DPP10: variants seen among roughly 807,000 people sequenced by gnomAD.
The protein encoded by DPP10 is dipeptidyl peptidase like 10.
DPP10 carries 33 observed loss-of-function variants against 120.9 expected under a neutral mutation model. The observed-to-expected ratio is 0.27, with a 90% CI of 0.21 to 0.37. DPP10 has a LOEUF of 0.37. DPP10 is among the 10% of genes least tolerant of loss of function. The pLI is 1.00. For missense variants in DPP10, 816 were observed against 942.8 expected (o/e 0.87, Z 1.76); for synonymous variants, 337 against 326.1 (o/e 1.03, Z -0.36).
intron 1 of DPP10, among the ~76,000 whole-genome samples, chr2:115,113,539 C>T (rs1268927339): frequency 3.9e-5 from 6 of 152,138 alleles, no homozygotes; most frequent in African/African-American, 1.4e-4. Context: ...TGAATTCGTA[C>T]TCACTAGCGT....
rs544663803 is a variant in DPP10 at position 115,248,082 on chromosome 2, C to T, written c.61-61157C>T. 6.6e-5 allele frequency among the ~76,000 whole-genome samples: 10 copies of T among 152,292 alleles called. No individual in the cohort carries two copies. The South Asian group carries it at 1.9e-3, about 28-fold the overall frequency. Reference sequence around the variant, plus strand: ...ATCCCAAAGGTGGAAATATGCCTCCCTCAAAGGTACTGATGTCATCTCCAT... The same window carrying T: ...ATCCCAAAGGTGGAAATATGCCTCCTTCAAAGGTACTGATGTCATCTCCAT... On this transcript the variant is annotated intron_variant, in intron 1 of 25. Transcript: ENST00000410059.
chr2:114,790,866 C>T (rs372671654), intron 1 of DPP10, among the ~76,000 whole-genome samples: 2 of 152,064 alleles, frequency 1.3e-5, no homozygotes, highest in South Asian at 2.1e-4. Context: ...GCCATCTGGG[C>T]GAATACGTGC....
intron 1 of DPP10, among the ~76,000 whole-genome samples, chr2:114,981,766 GT>G (rs1170678516): frequency 2.1e-5 from 3 of 145,346 alleles, no homozygotes; most frequent in Non-Finnish European, 4.6e-5. Context: ...GTTTTGTTTT[GT>G]TTTTTGTTTT....
intron 3 of DPP10, among the ~76,000 whole-genome samples, chr2:115,494,765 G>T (rs4848392): frequency 6.6e-6 from 1 of 151,778 alleles, no homozygotes; most frequent in African/African-American, 2.4e-5. Flanking sequence ...TTCAATTGTG[G>T]ATATATCAAA....
intron 1 of DPP10, among the ~76,000 whole-genome samples, chr2:115,187,198 G>A (rs1191995692): frequency 6.7e-6 from 1 of 150,138 alleles, no homozygotes; most frequent in Non-Finnish European, 1.5e-5. Flanking sequence ...CACCACGCCC[G>A]GCTAATTTTT....
chr2:115,568,949 G>T (rs570404354), intron 5 of DPP10, among the ~76,000 whole-genome samples: 2 of 152,138 alleles, frequency 1.3e-5, no homozygotes, highest in Admixed American at 1.3e-4. Context: ...CTGTTTCCTT[G>T]GTGTCAATAT....
chr2:115,614,904 TATTAA>T (rs1168070870), intron 5 of DPP10, among the ~76,000 whole-genome samples: 1 of 152,166 alleles, frequency 6.6e-6, no homozygotes, highest in Non-Finnish European at 1.5e-5. Context: ...GTGAAATAAG[TATTAA>T]ATTATTATGG....
At chr2:114,446,455 T>C (rs1014462987) in intron 1 of DPP10, among the ~76,000 whole-genome samples, 2 of 152,234 alleles carry the variant, frequency 1.3e-5, no homozygotes, top group Non-Finnish European at 2.9e-5. Flanking sequence ...ATACTTTATA[T>C]GGTAACTCTG....
chr2:114,611,004 C>T (rs1693242404), intron 1 of DPP10, among the ~76,000 whole-genome samples: 1 of 152,162 alleles, frequency 6.6e-6, no homozygotes, highest in Admixed American at 6.5e-5. Context: ...GCTTCCCAAA[C>T]ACACAACTGC....
At position 115,561,835 on chromosome 2, in the gene DPP10, C is replaced by T. The variant is rs1228703326; in HGVS notation, c.441+35863C>T. 2.6e-5 allele frequency among the ~76,000 whole-genome samples: 4 copies of T among 152,138 alleles called. No homozygotes were observed. In the East Asian group the frequency reaches 7.7e-4, roughly 29 times the overall value. On this transcript the variant is annotated intron_variant, in intron 5 of 25. Coordinates refer to ENST00000410059, the MANE Select transcript of DPP10 (RefSeq NM_020868.6). The stretch of plus-strand genomic sequence containing the variant: ...GGGGGTTTAAATAAATGTTCTGCAT[C>T]GCTTTGCCGCTTCTCAACTTGCCCC...
intron 7 of DPP10, among the ~76,000 whole-genome samples, chr2:115,699,902 G>A (rs1191321364): frequency 6.6e-6 from 1 of 152,166 alleles, no homozygotes; most frequent in Non-Finnish European, 1.5e-5. Flanking sequence ...AATTGTATTA[G>A]TCCCTTCTCA....
intron 1 of DPP10, among the ~76,000 whole-genome samples, chr2:114,965,981 A>AAAAAAAG (rs1558932869): frequency 4.1e-5 from 6 of 145,316 alleles, no homozygotes; most frequent in Non-Finnish European, 4.5e-5. Flanking sequence ...AAAAAAAAAA[A>AAAAAAAG]AAAAAAGAAA....
At chr2:115,295,002 CTTAATT>C (rs2060822093) in intron 1 of DPP10, among the ~76,000 whole-genome samples, 1 of 152,054 alleles carries the variant, frequency 6.6e-6, no homozygotes, top group African/African-American at 2.4e-5. Flanking sequence ...AAGGAAAACT[CTTAATT>C]TATATTTAAA....
Position 115,768,404 on chromosome 2 carries a change from G to C in DPP10, c.1221G>C (p.Gln407His). 1 of 1,611,300 alleles carries C rather than the reference G, an allele frequency of 6.2e-7. No individual in the cohort carries two copies. Among genetic ancestry groups the C allele is most frequent in the African/African-American group, 1.3e-5 (1 of 74,936 alleles). The part of the protein sequence containing the change: ...EFHHVAMFLI[Q>H]SKSEQITVRH... ...ACCACGTAGCTATGTTCCTCATCCA[G>C]GTAAGTGCTGGCTTTTTTCCATGTT... Residue 407 changes from glutamine (Q) to histidine (H), a missense_variant and splice_region_variant, in exon 13 of 26, where the codon CAG becomes CAC. By Grantham distance (24) the Gln-to-His change is conservative. Transcript: ENST00000410059.
At chr2:114,869,573 T>C (rs1052995951) in intron 1 of DPP10, among the ~76,000 whole-genome samples, 1 of 152,144 alleles carries the variant, frequency 6.6e-6, no homozygotes, top group Non-Finnish European at 1.5e-5. Context: ...AACCCTAGGT[T>C]ATATAACTTG....
At chr2:114,798,349 T>C (rs754065637) in intron 1 of DPP10, among the ~76,000 whole-genome samples, 3 of 152,220 alleles carry the variant, frequency 2.0e-5, no homozygotes, top group Non-Finnish European at 2.9e-5. Context: ...GAAGGTGGTA[T>C]ACTAGAAATC....
intron 1 of DPP10, among the ~76,000 whole-genome samples, chr2:114,720,590 C>T (rs1041884899): frequency 2.6e-5 from 4 of 152,162 alleles, no homozygotes; most frequent in African/African-American, 9.7e-5. Flanking sequence ...ACAATTTCCA[C>T]CACACATTTA....
intron 19 of DPP10, among the ~76,000 whole-genome samples, chr2:115,813,768 A>G (rs1266315642): frequency 1.3e-5 from 2 of 152,144 alleles, no homozygotes; most frequent in East Asian, 3.9e-4. Flanking sequence ...GTTATTGGAG[A>G]TGATTTGTGT....
At chr2:115,644,202 G>A (rs953931079) in intron 5 of DPP10, among the ~76,000 whole-genome samples, 1 of 152,020 alleles carries the variant, frequency 6.6e-6, no homozygotes. Context: ...TAGGGTACAT[G>A]TGCACAACGT....
Sources: gnomAD v4.1 joint callset for allele counts (sites outside exome capture counted in the v4.1 genomes callset) on GRCh38, gnomAD v4.1.1 for gene constraint, MANE v1.5 for transcripts, NCBI Gene and HGNC (gene_info 2026-07-23, HGNC 2026-07-21) for gene names.